ASIC2: variants seen among roughly 807,000 people sequenced by gnomAD.
ASIC2 encodes the protein acid-sensing ion channel 2.
In ASIC2, 25 loss-of-function variants were observed where a neutral mutation model predicts 57.3. That is an observed-to-expected ratio of 0.44 (90% confidence interval 0.32 to 0.61). The LOEUF (loss-of-function observed/expected upper bound fraction) is 0.61. Among genes scored for constraint, ASIC2 ranks in the 20% least tolerant of loss-of-function variants. The pLI is 0.06. For missense variants in ASIC2, 641 were observed against 738.1 expected, an observed-to-expected ratio of 0.87 and a Z score of 1.52; for synonymous variants, 319 against 307.5, an observed-to-expected ratio of 1.04 and a Z score of -0.39.
chr17:34,091,883 G>A (rs1468764702), intron 1 of ASIC2, among the ~76,000 whole-genome samples: 1 of 152,182 alleles, frequency 6.6e-6, no homozygotes, highest in Non-Finnish European at 1.5e-5. Flanking sequence ...ATGACCTTGA[G>A]CAAGGTATTT....
intron 1 of ASIC2, among the ~76,000 whole-genome samples, chr17:33,709,419 G>A (rs1908959808): frequency 6.6e-6 from 1 of 152,206 alleles, no homozygotes. Flanking sequence ...TGAACCTAAT[G>A]TACTCACAGG....
At chr17:33,363,604 A>G (rs1555601876) in intron 1 of ASIC2, among the ~76,000 whole-genome samples, 3 of 152,218 alleles carry the variant, frequency 2.0e-5, no homozygotes, top group Non-Finnish European at 4.4e-5. Context: ...GCCACTGAAC[A>G]CCAGTGCGCA....
At chr17:33,817,104 C>T (rs1405254071) in intron 1 of ASIC2, among the ~76,000 whole-genome samples, 2 of 152,164 alleles carry the variant, frequency 1.3e-5, no homozygotes, top group South Asian at 2.1e-4. Flanking sequence ...CGAAGCCTGG[C>T]CCCCATGCCA....
chr17:33,683,134 T>G (rs1165438524), intron 1 of ASIC2, among the ~76,000 whole-genome samples: 1 of 152,172 alleles, frequency 6.6e-6, no homozygotes, highest in Non-Finnish European at 1.5e-5. Flanking sequence ...GGTTCTGGAT[T>G]CTGGCTCACT....
At chr17:33,843,118 A>C (rs900196548) in intron 1 of ASIC2, among the ~76,000 whole-genome samples, 2 of 152,216 alleles carry the variant, frequency 1.3e-5, no homozygotes, top group African/African-American at 4.8e-5. Flanking sequence ...TCATCATTGC[A>C]CGTGCCATTT....
intron 1 of ASIC2, among the ~76,000 whole-genome samples, chr17:34,145,319 G>A (rs182004247): frequency 7.9e-4 from 121 of 152,308 alleles, no homozygotes; most frequent in Non-Finnish European, 1.4e-3. Context: ...TGGATGTGCT[G>A]GATTGCATCT....
intron 1 of ASIC2, among the ~76,000 whole-genome samples, chr17:33,774,057 T>C (rs915623173): frequency 6.6e-6 from 1 of 152,118 alleles, no homozygotes; most frequent in Non-Finnish European, 1.5e-5. Context: ...AGAGGTAAAG[T>C]TACTGACATT....
chr17:33,799,634 A>G (rs1247847184), intron 1 of ASIC2, among the ~76,000 whole-genome samples: 1 of 151,298 alleles, frequency 6.6e-6, no homozygotes, highest in East Asian at 1.9e-4. Flanking sequence ...TTCTGGGATC[A>G]GGGCATATGA....
chr17:33,452,903 A>T (rs1912311855), intron 1 of ASIC2, among the ~76,000 whole-genome samples: 2 of 152,098 alleles, frequency 1.3e-5, no homozygotes, highest in African/African-American at 2.4e-5. Context: ...TTTGTTAATG[A>T]AGCTCCTCCG....
chr17:33,946,313 T>C (rs56079229), intron 1 of ASIC2, among the ~76,000 whole-genome samples: 1 of 152,072 alleles, frequency 6.6e-6, no homozygotes. Flanking sequence ...GACAGGTTGT[T>C]GGGTCTGGGG....
At chr17:33,612,473 C>T (rs1036845514) in intron 1 of ASIC2, among the ~76,000 whole-genome samples, 1 of 152,324 alleles carries the variant, frequency 6.6e-6, no homozygotes, top group East Asian at 1.9e-4. Flanking sequence ...TTTTCATGCT[C>T]TACACATTTT....
At chr17:33,148,971 G>T (rs1424450165) in intron 1 of ASIC2, among the ~76,000 whole-genome samples, 1 of 152,146 alleles carries the variant, frequency 6.6e-6, no homozygotes, top group Non-Finnish European at 1.5e-5. Flanking sequence ...GCAGGCACGT[G>T]TAGTCCCAGT....
At chr17:34,030,362 C>T (rs75323916) in intron 1 of ASIC2, among the ~76,000 whole-genome samples, 19,751 of 152,138 alleles carry the variant, frequency 0.13, 1,357 homozygotes, top group South Asian at 0.19. Context: ...TAACACCATC[C>T]GAATGTTTGA....
chr17:33,314,311 A>G (rs1324560930), intron 1 of ASIC2, among the ~76,000 whole-genome samples: 2 of 152,170 alleles, frequency 1.3e-5, no homozygotes, highest in Admixed American at 1.3e-4. Context: ...TCCATACCAG[A>G]CCATGAGGTG....
chr17:33,977,207 C>G (rs1165376526), intron 1 of ASIC2, among the ~76,000 whole-genome samples: 1 of 151,672 alleles, frequency 6.6e-6, no homozygotes, highest in African/African-American at 2.4e-5. Context: ...ACTGCTCTGC[C>G]TGAGCCAATT....
intron 1 of ASIC2, among the ~76,000 whole-genome samples, chr17:33,893,299 T>G (rs1269624089): frequency 6.6e-6 from 1 of 152,144 alleles, no homozygotes; most frequent in Non-Finnish European, 1.5e-5. Flanking sequence ...CAGGACCACT[T>G]CCTTTATGAG....
At chr17:33,293,736 A>G (rs928237763), upstream of ASIC2, among the ~76,000 whole-genome samples, 37 of 152,160 alleles carry the variant, frequency 2.4e-4, no homozygotes, top group Admixed American at 1.6e-3. Flanking sequence ...GAATGTGAGC[A>G]TGTCTGCGGG....
At chr17:33,864,467 A>G (rs1319598949) in intron 1 of ASIC2, among the ~76,000 whole-genome samples, 1 of 152,176 alleles carries the variant, frequency 6.6e-6, no homozygotes, top group Non-Finnish European at 1.5e-5. Context: ...TTAGCCAGAG[A>G]CCACCCAACC....
At chr17:33,213,349 A>T (rs1907354961) in intron 1 of ASIC2, among the ~76,000 whole-genome samples, 1 of 152,242 alleles carries the variant, frequency 6.6e-6, no homozygotes, top group South Asian at 2.1e-4. Context: ...ATGAGCTTGC[A>T]GGAACAAGAG....
Sources: gnomAD v4.1 joint callset for allele counts (sites outside exome capture counted in the v4.1 genomes callset) on GRCh38, gnomAD v4.1.1 for gene constraint, MANE v1.5 for transcripts, NCBI Gene and HGNC (gene_info 2026-07-23, HGNC 2026-07-21) for gene names.